HPGD: variants seen among roughly 807,000 people sequenced by gnomAD.
HPGD encodes the protein 15-hydroxyprostaglandin dehydrogenase, also known as 15-hydroxyprostaglandin dehydrogenase [NAD(+)].
Under a neutral mutation model 30.0 loss-of-function variants are expected in HPGD, and 29 were observed. That is an observed-to-expected ratio of 0.97 (90% CI 0.72 to 1.32). HPGD has a LOEUF of 1.32. Ranked by LOEUF, HPGD falls within the 40% of genes most tolerant of loss-of-function variation. HPGD has a pLI of 0.00. For synonymous variants in HPGD, 99 were observed against 112.4 expected (o/e 0.88, Z 0.75); for missense variants, 340 against 322.1 (o/e 1.06, Z -0.43).
chr4:174,518,169 T>C, intron 2 of HPGD, 92 bp from the exon 3 acceptor site: 2 of 683,394 alleles, frequency 2.9e-6, no homozygotes, highest in Non-Finnish European at 5.2e-6. Context: ...TTTCAGTTTA[T>C]TTACCCTCAT....
Position 174,494,753 on chromosome 4 carries a change from G to A in HPGD, c.498+795C>T, listed in dbSNP as rs746051622. On this transcript the variant is annotated intron_variant, in intron 5 of 6. Transcript: ENST00000296522. The surrounding 1 kb of genome is among the most constrained non-coding windows in gnomAD (Gnocchi z 4.9). ...GAGACCCCCTACAACTGTTCTTTCC[G>A]CTTTTACACTTGTCTTTTGTAACAC... 1.1e-4 allele frequency among the ~76,000 whole-genome samples: 16 copies of A among 151,806 alleles called. No homozygotes were observed. The highest frequency in any genetic ancestry group is 2.0e-4 in the Admixed American group (3 of 15,256).
Position 174,490,306 on chromosome 4 carries a change from T to C in HPGD, c.*1650A>G, listed in dbSNP as rs1369172724. ...AAAGTAAGTTTTTAACTTATGTAACTCACATTTTTCAATTCTACTTGATAT... is the reference window on the plus strand; with the variant it reads ...AAAGTAAGTTTTTAACTTATGTAACCCACATTTTTCAATTCTACTTGATAT... On this transcript the variant is annotated 3_prime_UTR_variant, in exon 7 of 7. Transcript: ENST00000296522. This position sits in a 1 kb window ranked among gnomAD's most constrained non-coding sequence, Gnocchi z 4.4. The C allele has an allele frequency of 6.6e-6, 1 of 152,338 alleles. No homozygotes were observed. The highest frequency in any genetic ancestry group is 1.5e-5 in the Non-Finnish European group (1 of 68,030). The allele number at this position is 152,338 out of a possible 1,614,324, so 9.4% of individuals were successfully genotyped here. A position where few individuals can be genotyped will look rare whatever the true frequency, so the allele number is the denominator to read the frequency against.
chr4:174,504,474 G>T (rs958463285), intron 4 of HPGD, among the ~76,000 whole-genome samples: 1 of 152,060 alleles, frequency 6.6e-6, no homozygotes, highest in Non-Finnish European at 1.5e-5. Context: ...GGGTTGGTAG[G>T]TAGGCTCCTT....
At chr4:174,519,218 A>AT (rs111659072) in intron 2 of HPGD, among the ~76,000 whole-genome samples, 22,305 of 146,144 alleles carry the variant, frequency 0.15, 3,317 homozygotes, top group African/African-American at 0.39. Context: ...TTTTTCATGG[A>AT]TTTTTTTTTT....
At position 174,491,231 on chromosome 4, in the gene HPGD, C is replaced by T. The variant is rs925375394; in HGVS notation, c.*725G>A. 1.3e-5 allele frequency: 2 copies of T among 152,544 alleles called. No individual in the cohort carries two copies. The highest frequency in any genetic ancestry group is 2.1e-4 in the South Asian group (1 of 4,832). The allele number at this position is 152,544 out of a possible 1,614,324, so 9.4% of individuals were successfully genotyped here. A position where few individuals can be genotyped will look rare whatever the true frequency, so the allele number is the denominator to read the frequency against. The stretch of plus-strand genomic sequence containing the variant: ...TTGGAGTACTAACTATTCTTTATTG[C>T]TGTAACTGTTAAAAGTTTAATTCCT... On this transcript the variant is annotated 3_prime_UTR_variant, in exon 7 of 7. Coordinates refer to ENST00000296522, the MANE Select transcript of HPGD (RefSeq NM_000860.6).
In HPGD at chr4:174,518,091, A is replaced by G. The variant is rs1341415806; in HGVS notation, c.218-14T>C. The G allele has an allele frequency of 4.2e-6, 5 of 1,192,758 alleles. No homozygotes were observed. The highest frequency in any genetic ancestry group is 6.3e-6 in the Non-Finnish European group (5 of 798,036). 73.9% of individuals were successfully genotyped at this position (1,192,758 alleles called of 1,614,324 possible). ...TTCTAAAAGTGTCTAATTATAAAAC[A>G]AGATATTAGTGATACATTCTTATTT... On this transcript the variant is annotated splice_polypyrimidine_tract_variant and intron_variant, in intron 2 of 6. Coordinates refer to ENST00000296522, the MANE Select transcript of HPGD (RefSeq NM_000860.6).
At chr4:174,521,233 A>G (rs1736091771) in intron 2 of HPGD, among the ~76,000 whole-genome samples, 1 of 152,140 alleles carries the variant, frequency 6.6e-6, no homozygotes, top group Admixed American at 6.5e-5. Context: ...TACAAAAAAA[A>G]AAAAAACAGC....
chr4:174,493,406 T>TA, intron 5 of HPGD, 92 bp from the exon 6 acceptor site: 2 of 1,171,850 alleles, frequency 1.7e-6, no homozygotes, highest in South Asian at 1.2e-5. Context: ...TTTTCTGATG[T>TA]AAAAAATACT....
intron 4 of HPGD, among the ~76,000 whole-genome samples, chr4:174,499,707 A>T (rs757833779): frequency 6.6e-6 from 1 of 152,148 alleles, no homozygotes; most frequent in Non-Finnish European, 1.5e-5. Context: ...CTCAGCAGCA[A>T]CTAGCACAGC....
Position 174,491,941 on chromosome 4 carries a change from T to A in HPGD, c.*15A>T. On this transcript the variant is annotated 3_prime_UTR_variant, in exon 7 of 7. Transcript: ENST00000296522. The stretch of plus-strand genomic sequence containing the variant: ...ATTTGTGCTTATTTTCAGCTATGGC[T>A]AACACATAAGCTGTTCATTGGGTTT... 6.2e-7 allele frequency: 1 copy of A among 1,605,770 alleles called. No homozygotes were observed. The highest frequency in any genetic ancestry group is 8.5e-7 in the Non-Finnish European group (1 of 1,172,896).
chr4:174,497,046 A>G (rs1361347319), intron 4 of HPGD, among the ~76,000 whole-genome samples: 2 of 152,230 alleles, frequency 1.3e-5, no homozygotes, highest in African/African-American at 4.8e-5. Context: ...GGAGTGGAAG[A>G]TAAAGGGAAT....
At chr4:174,519,403 C>T (rs1235487372) in intron 2 of HPGD, among the ~76,000 whole-genome samples, 6 of 152,106 alleles carry the variant, frequency 3.9e-5, no homozygotes, top group Admixed American at 6.5e-5. Context: ...TTAGTAGAGA[C>T]GGGGTTTCAC....
At chr4:174,519,974 C>A (rs1298126234) in intron 2 of HPGD, among the ~76,000 whole-genome samples, 1 of 152,094 alleles carries the variant, frequency 6.6e-6, no homozygotes, top group Non-Finnish European at 1.5e-5. Context: ...GGCCTTTTTT[C>A]ATGGAATCTT....
rs1446397916 is a variant in HPGD, at chr4:174,494,386, AG to A, written c.499-1073del. 1.3e-5 allele frequency among the ~76,000 whole-genome samples: 2 copies of A among 152,196 alleles called. No homozygotes were observed. Among genetic ancestry groups the A allele is most frequent in the Non-Finnish European group, 2.9e-5 (2 of 68,028 alleles). ...AGTAGTCACTAATGTAGTGTTTGTA[AG>A]TGACTTCATGGAACATAACCACCAT... On this transcript the variant is annotated intron_variant, in intron 5 of 6. Transcript: ENST00000296522. This position sits in a 1 kb window ranked among gnomAD's most constrained non-coding sequence, Gnocchi z 4.9.
At chr4:174,511,034 G>A (rs551801790) in intron 3 of HPGD, among the ~76,000 whole-genome samples, 122 of 152,198 alleles carry the variant, frequency 8.0e-4, no homozygotes, top group Non-Finnish European at 1.5e-3. Context: ...CATAAACTAT[G>A]GTTTATTTAA....
intron 3 of HPGD, among the ~76,000 whole-genome samples, chr4:174,513,853 T>G (rs1166713280): frequency 6.6e-6 from 1 of 151,850 alleles, no homozygotes; most frequent in Non-Finnish European, 1.5e-5. Context: ...TAAAAAAAAT[T>G]TAAAAATCAA....
intron 2 of HPGD, among the ~76,000 whole-genome samples, chr4:174,521,340 G>A (rs34449204): frequency 0.06 from 9,197 of 152,184 alleles, 366 homozygotes; most frequent in Non-Finnish European, 0.096. Flanking sequence ...AAACAGGAAA[G>A]CATTGAGGAA....
chr4:174,493,165 G>A lies in HPGD; in HGVS notation c.648C>T (p.Tyr216=), dbSNP rs1303360798. The A allele has an allele frequency of 6.3e-7, 1 of 1,594,564 alleles. No individual in the cohort carries two copies. The highest frequency in any genetic ancestry group is 8.6e-7 in the Non-Finnish European group (1 of 1,164,680). Reference sequence around the variant, plus strand: ...GTTTTACTTACTCCAAAATTCCATAGTATTTAATCATATCCTTGATATGAT... The same window carrying A: ...GTTTTACTTACTCCAAAATTCCATAATATTTAATCATATCCTTGATATGAT... ...YKDHIKDMIK[Y]YGILDPPLIA... Residue 216 remains tyrosine (Y), a synonymous_variant, in exon 6 of 7, where the codon TAC becomes TAT. Transcript: ENST00000296522.
At chr4:174,508,607 G>C in intron 4 of HPGD, 89 bp downstream of exon 4, 1 of 811,920 alleles carries the variant, frequency 1.2e-6, no homozygotes, top group South Asian at 1.3e-5. Context: ...TCCAACTTGA[G>C]CTGATAATAA....
Sources: allele counts gnomAD v4.1 joint callset (sites outside exome capture counted in the v4.1 genomes callset), GRCh38; gene constraint gnomAD v4.1.1; non-coding constraint Gnocchi (gnomAD v3.1); transcripts MANE v1.5; gene names NCBI Gene and HGNC (gene_info 2026-07-23, HGNC 2026-07-21).